The following ADORA1 variants were observed in gnomAD, a reference collection of about 807,000 sequenced individuals.
ADORA1 encodes the protein adenosine A1 receptor, also known as adenosine receptor A1.
ADORA1 carries 6 observed loss-of-function variants against 19.9 expected under a neutral mutation model. The observed-to-expected ratio is 0.30, with a 90% CI of 0.17 to 0.59. The LOEUF (loss-of-function observed/expected upper bound fraction) is 0.59, where lower values mean the gene tolerates loss of function less well. Ranked by LOEUF, ADORA1 falls within the 20% of genes least tolerant of loss-of-function variation. ADORA1 has a pLI of 0.87. For missense variants in ADORA1, 302 were observed against 439.2 expected, an observed-to-expected ratio of 0.69 and a Z score of 2.79; for synonymous variants, 194 against 188.4, an observed-to-expected ratio of 1.03 and a Z score of -0.24.
At chr1:203,159,583 CA>C (rs1262947740) in intron 3 of ADORA1, among the ~76,000 whole-genome samples, 1 of 152,184 alleles carries the variant, frequency 6.6e-6, no homozygotes, top group African/African-American at 2.4e-5. Flanking sequence ...CTGCCCTGCC[CA>C]CTCACTCTCT....
intron 3 of ADORA1, among the ~76,000 whole-genome samples, chr1:203,134,227 C>G (rs938070214): frequency 6.6e-6 from 1 of 152,144 alleles, no homozygotes; most frequent in African/African-American, 2.4e-5. Context: ...CTTGCTCCCC[C>G]GCCTCTGATG....
intron 3 of ADORA1, among the ~76,000 whole-genome samples, chr1:203,148,175 C>T (rs755632975): frequency 8.5e-5 from 13 of 152,142 alleles, no homozygotes; most frequent in Non-Finnish European, 1.8e-4. Flanking sequence ...GCTGAGATCC[C>T]GCACCACTGC....
Position 203,129,449 on chromosome 1 carries a change from G to C in ADORA1, c.341+267G>C, listed in dbSNP as rs1056152253. On this transcript the variant is annotated intron_variant, in intron 3 of 3. Coordinates refer to ENST00000337894, the MANE Select transcript of ADORA1 (RefSeq NM_000674.3). The stretch of plus-strand genomic sequence containing the variant: ...AGCTCTTGCAGCCAGGGAACCTGAG[G>C]CTGCCTGTCAGGCCTGGGGTGGAGG... Among the ~76,000 whole-genome samples, 3 of 152,332 alleles carry C rather than the reference G, an allele frequency of 2.0e-5. No individual in the cohort carries two copies. In the South Asian group the frequency reaches 6.2e-4, roughly 32 times the overall value.
chr1:203,139,098 C>T lies in ADORA1; in HGVS notation c.341+9916C>T, dbSNP rs553505143. Among the ~76,000 whole-genome samples the T allele has an allele frequency of 5.3e-5, 8 of 152,314 alleles. No homozygotes were observed. In the South Asian group the frequency reaches 8.3e-4, roughly 16 times the overall value. ...CCTCCCAAACTGCTGGGATTACAGG[C>T]GTGAGCCACCGTGCCTGGCCCACTG... On this transcript the variant is annotated intron_variant, in intron 3 of 3. Transcript: ENST00000337894.
intron 3 of ADORA1, among the ~76,000 whole-genome samples, chr1:203,162,551 T>C (rs527302665): frequency 6.6e-6 from 1 of 152,246 alleles, no homozygotes; most frequent in African/African-American, 2.4e-5. Flanking sequence ...AGAGGTCACC[T>C]ACCCCACCCC....
At chr1:203,154,328 G>C (rs755100671) in intron 3 of ADORA1, among the ~76,000 whole-genome samples, 2 of 152,196 alleles carry the variant, frequency 1.3e-5, no homozygotes, top group Non-Finnish European at 2.9e-5. Flanking sequence ...AGTTCTTCCT[G>C]ATGCAGCTTT....
At chr1:203,156,908 T>C (rs1317356276) in intron 3 of ADORA1, among the ~76,000 whole-genome samples, 1 of 152,236 alleles carries the variant, frequency 6.6e-6, no homozygotes. Context: ...GTATTGGCAT[T>C]AATCTATTCA....
rs1334972537 is a variant in ADORA1, at chr1:203,165,855, A to G, written c.936A>G (p.Ala312=). ...IWNDHFRCQP[A]PPIDEDLPEE... ...ATGACCATTTCCGCTGCCAGCCTGC[A>G]CCTCCCATTGACGAGGATCTCCCAG... The change falls in exon 4 of 4, where the codon GCA becomes GCG. Residue 312 remains alanine, a synonymous_variant. Transcript: ENST00000337894. This position sits in a 1 kb window ranked among gnomAD's most constrained non-coding sequence, Gnocchi z 5.9. 1 of 1,589,424 alleles carries G rather than the reference A, an allele frequency of 6.3e-7. No homozygotes were observed. The highest frequency in any genetic ancestry group is 8.6e-7 in the Non-Finnish European group (1 of 1,166,908).
intron 3 of ADORA1, among the ~76,000 whole-genome samples, chr1:203,164,456 A>G (rs1025087323): frequency 1.3e-5 from 2 of 152,218 alleles, no homozygotes; most frequent in Non-Finnish European, 2.9e-5. Context: ...TGAATGACTG[A>G]AAGTATCTAG....
At chr1:203,164,423 G>A (rs945736609) in intron 3 of ADORA1, among the ~76,000 whole-genome samples, 4 of 152,226 alleles carry the variant, frequency 2.6e-5, no homozygotes, top group Middle Eastern at 3.2e-3. Context: ...ATGCATCCAC[G>A]TATGCATGCG....
intron 3 of ADORA1, among the ~76,000 whole-genome samples, chr1:203,135,382 G>T (rs1654472587): frequency 6.6e-6 from 1 of 152,122 alleles, no homozygotes; most frequent in African/African-American, 2.4e-5. Flanking sequence ...GTTGAGGCTG[G>T]GCGCGGTGGC....
chr1:203,154,861 C>T (rs1655145781), intron 3 of ADORA1, among the ~76,000 whole-genome samples: 1 of 152,148 alleles, frequency 6.6e-6, no homozygotes, highest in East Asian at 1.9e-4. Flanking sequence ...GGCTTCTTTG[C>T]ACCTTTCTCA....
Position 203,166,158 on chromosome 1 carries a change from T to C in ADORA1, c.*258T>C. The C allele has an allele frequency of 5.1e-6, 2 of 390,890 alleles. No individual in the cohort carries two copies. The highest frequency in any genetic ancestry group is 8.9e-6 in the Non-Finnish European group (2 of 223,616). The allele number at this position is 390,890 out of a possible 1,614,324, so 24.2% of individuals were successfully genotyped here. On this transcript the variant is annotated 3_prime_UTR_variant, in exon 4 of 4. Coordinates refer to ENST00000337894, the MANE Select transcript of ADORA1 (RefSeq NM_000674.3). ...CAGGTGTCTAGAGGCAACAGTGTTC[T>C]GAGCCCCCACCTGCCTGACCATCCC... is the stretch of plus-strand genomic sequence containing the variant.
intron 3 of ADORA1, among the ~76,000 whole-genome samples, chr1:203,160,214 T>G (rs1320527469): frequency 6.6e-6 from 1 of 152,212 alleles, no homozygotes; most frequent in African/African-American, 2.4e-5. Context: ...TTACTGCAAT[T>G]AGGAATTGAG....
intron 3 of ADORA1, chr1:203,150,049 T>C (rs1181099860): frequency 6.6e-6 from 1 of 152,462 alleles, no homozygotes; most frequent in East Asian, 1.9e-4. Flanking sequence ...TGCAGTTATG[T>C]GCTCTGAGAG....
intron 3 of ADORA1, among the ~76,000 whole-genome samples, chr1:203,138,720 C>T (rs186650222): frequency 1.3e-4 from 20 of 152,200 alleles, no homozygotes; most frequent in African/African-American, 4.3e-4. Flanking sequence ...CAGGTGGTAT[C>T]GAGTACTCTT....
chr1:203,148,351 G>A (rs1218952388), intron 3 of ADORA1, among the ~76,000 whole-genome samples: 3 of 152,224 alleles, frequency 2.0e-5, no homozygotes, highest in Non-Finnish European at 4.4e-5. Flanking sequence ...TTCCTCCTAG[G>A]ATGAAGAGCA....
intron 3 of ADORA1, among the ~76,000 whole-genome samples, chr1:203,140,567 G>C (rs1654648571): frequency 6.6e-6 from 1 of 152,120 alleles, no homozygotes; most frequent in Admixed American, 6.5e-5. Flanking sequence ...CTCCTCCCCT[G>C]GTGTGGTCAG....
At chr1:203,141,041 T>C (rs1654667948) in intron 3 of ADORA1, among the ~76,000 whole-genome samples, 1 of 152,258 alleles carries the variant, frequency 6.6e-6, no homozygotes, top group Non-Finnish European at 1.5e-5. Context: ...TCATAGCTGC[T>C]GTAGAGCACT....
Sources: allele counts gnomAD v4.1 joint callset (sites outside exome capture counted in the v4.1 genomes callset), GRCh38; gene constraint gnomAD v4.1.1; non-coding constraint Gnocchi (gnomAD v3.1); transcripts MANE v1.5; gene names NCBI Gene and HGNC (gene_info 2026-07-23, HGNC 2026-07-21).